BACH1: variants seen among roughly 807,000 people sequenced by gnomAD.
The protein encoded by BACH1 is transcription regulator protein BACH1.
Under a neutral mutation model 52.9 loss-of-function variants are expected in BACH1, and 35 were observed. That is an observed-to-expected ratio of 0.66 (90% CI 0.51 to 0.88). BACH1 has a LOEUF of 0.88. BACH1 is among the 40% of genes least tolerant of loss of function. The pLI, the probability that BACH1 is intolerant of heterozygous loss-of-function variation, is 0.00. For missense variants in BACH1, 808 were observed against 872.6 expected (o/e 0.93, Z 0.93); for synonymous variants, 321 against 319.6 (o/e 1.00, Z -0.05).
At position 29,345,860 on chromosome 21, in the gene BACH1, AAATT is replaced by A. The variant is rs2089163568; in HGVS notation, c.*3030_*3033del. On this transcript the variant is annotated 3_prime_UTR_variant, in exon 5 of 5. Transcript: ENST00000286800. ...CTTTGAAACTTGTTGGGTAGAATGA[AAATT>A]AAAGCCATAATGGTAGAAGATGGCA... The A allele has an allele frequency of 6.6e-6, 1 of 152,638 alleles. No homozygotes were observed. The highest frequency in any genetic ancestry group is 2.4e-5 in the African/African-American group (1 of 41,470). The allele number at this position is 152,638 out of a possible 1,614,324, so 9.5% of individuals were successfully genotyped here.
chr21:29,340,483 C>A (rs1273496867), intron 4 of BACH1, among the ~76,000 whole-genome samples: 2 of 152,122 alleles, frequency 1.3e-5, no homozygotes, highest in East Asian at 3.9e-4. Flanking sequence ...TATTAAGATA[C>A]AGAAGTCATA....
intron 1 of BACH1, among the ~76,000 whole-genome samples, chr21:29,310,258 C>T (rs753543702): frequency 4.6e-5 from 7 of 152,154 alleles, no homozygotes; most frequent in Non-Finnish European, 8.8e-5. Flanking sequence ...TTAACCAAGG[C>T]ACATTTTTTG....
chr21:29,310,549 C>T (rs2088709032), intron 1 of BACH1, among the ~76,000 whole-genome samples: 2 of 152,168 alleles, frequency 1.3e-5, no homozygotes, highest in South Asian at 2.1e-4. Context: ...GGACCAAATA[C>T]GAATATGAGA....
intron 2 of BACH1, among the ~76,000 whole-genome samples, chr21:29,357,624 G>A (rs560023838): frequency 3.3e-5 from 5 of 152,224 alleles, no homozygotes; most frequent in South Asian, 2.1e-4. Flanking sequence ...GATGGCCACC[G>A]CCACAACTAC....
intron 1 of BACH1, among the ~76,000 whole-genome samples, chr21:29,304,064 C>G (rs772290784): frequency 7.3e-5 from 11 of 151,018 alleles, no homozygotes; most frequent in Non-Finnish European, 1.3e-4. Flanking sequence ...TTTGCAGTGC[C>G]TTAGGAAAGT....
rs2088998716 is a variant in BACH1, at chr21:29,332,707, T to G, written c.1776+3014T>G. On this transcript the variant is annotated intron_variant, in intron 4 of 4. Transcript: ENST00000286800. ...CATGGGAAGGGTGGCTGTGGCACAA[T>G]GCCTGAATAATTTCACTCTCTCCAG... Among the ~76,000 whole-genome samples, 3 of 152,346 alleles carry G rather than the reference T, an allele frequency of 2.0e-5. No homozygotes were observed. The South Asian group carries it at 6.2e-4, about 32-fold the overall frequency.
chr21:29,322,254 G>C (rs2088857629), intron 2 of BACH1, among the ~76,000 whole-genome samples: 1 of 152,100 alleles, frequency 6.6e-6, no homozygotes, highest in African/African-American at 2.4e-5. Flanking sequence ...CTAGGTTTAG[G>C]GTTCTGTAAA....
At chr21:29,322,748 A>G (rs925146253) in intron 2 of BACH1, among the ~76,000 whole-genome samples, 1 of 152,184 alleles carries the variant, frequency 6.6e-6, no homozygotes, top group Non-Finnish European at 1.5e-5. Context: ...CTTCTGTGAA[A>G]CTGCAGCTAC....
At chr21:29,323,915 A>G (rs1195230842) in intron 2 of BACH1, among the ~76,000 whole-genome samples, 2 of 152,114 alleles carry the variant, frequency 1.3e-5, no homozygotes, top group South Asian at 2.1e-4. Flanking sequence ...GTTAAGTTCT[A>G]TATAATTTTA....
rs61571512 is a variant in BACH1 at position 29,306,169 on chromosome 21, A to AGTGTGTGTGT, written c.-61+7249_-61+7258dup. 2.4e-3 allele frequency among the ~76,000 whole-genome samples: 337 copies of AGTGTGTGTGT among 141,274 alleles called. 1 individual carries two copies. The highest frequency in any genetic ancestry group is 0.011 in the East Asian group (52 of 4,676). The allele number at this position is 141,274 out of a possible 152,430, so 92.7% of individuals were successfully genotyped here. ...AGTAGGGAGAAGTTGGGTCAGGAAG[A>AGTGTGTGTGT]GTGTGTGTGTGTGTGTGTGTGTGTG... is the stretch of plus-strand genomic sequence containing the variant. On this transcript the variant is annotated intron_variant, in intron 1 of 4. Coordinates refer to ENST00000286800, the MANE Select transcript of BACH1 (RefSeq NM_001186.4).
chr21:29,360,950 T>C (rs150624212), intron 2 of BACH1: 1 of 152,404 alleles, frequency 6.6e-6, no homozygotes, highest in East Asian at 1.9e-4. Context: ...TCTCTCTTTG[T>C]AATGCCTGCC....
At chr21:29,336,958 C>G (rs999411227) in intron 4 of BACH1, among the ~76,000 whole-genome samples, 2 of 152,330 alleles carry the variant, frequency 1.3e-5, no homozygotes, top group African/African-American at 4.8e-5. Context: ...AGACATGAGC[C>G]ACCATGCCTG....
intron 4 of BACH1, among the ~76,000 whole-genome samples, chr21:29,332,634 C>G (rs2088997580): frequency 6.6e-6 from 1 of 152,322 alleles, no homozygotes; most frequent in East Asian, 1.9e-4. Flanking sequence ...TCTCTGTGCA[C>G]CCGCTTCGCT....
intron 4 of BACH1, among the ~76,000 whole-genome samples, chr21:29,337,313 A>G (rs2123467986): frequency 6.6e-6 from 1 of 152,294 alleles, no homozygotes; most frequent in East Asian, 1.9e-4. Context: ...TTTTCAGTGG[A>G]CAGAGCTAGG....
chr21:29,327,317 T>G lies in BACH1; in HGVS notation c.1493T>G (p.Ile498Ser), dbSNP rs780267098. The G allele has an allele frequency of 6.2e-7, 1 of 1,614,194 alleles. No homozygotes were observed. The highest frequency in any genetic ancestry group is 2.2e-5 in the East Asian group (1 of 44,882). The change falls in exon 3 of 5, where the codon ATT (isoleucine) becomes AGT (serine). Residue 498 changes from isoleucine to serine, a missense_variant. Ile to Ser is a moderately radical substitution (Grantham distance 142). Coordinates refer to ENST00000286800, the MANE Select transcript of BACH1 (RefSeq NM_001186.4). Reference sequence around the variant, plus strand: ...GAACCTTGCCCATATGCTTGTGTCATTAGCTTGGGAGACGACTCTGAGACG... The same window carrying G: ...GAACCTTGCCCATATGCTTGTGTCAGTAGCTTGGGAGACGACTCTGAGACG... ...QQEPCPYACV[I>S]SLGDDSETDT... is the part of the protein sequence containing the mutation.
At chr21:29,336,513 A>G (rs1456936547) in intron 4 of BACH1, among the ~76,000 whole-genome samples, 1 of 152,200 alleles carries the variant, frequency 6.6e-6, no homozygotes, top group Non-Finnish European at 1.5e-5. Context: ...CCCGTTCCCC[A>G]ATACTCCTGC....
At chr21:29,322,741 C>T (rs1392445922) in intron 2 of BACH1, among the ~76,000 whole-genome samples, 1 of 152,150 alleles carries the variant, frequency 6.6e-6, no homozygotes, top group African/African-American at 2.4e-5. Context: ...ATGCCTACTT[C>T]TGTGAAACTG....
intron 3 of BACH1, 143 bp from the exon 4 acceptor site, chr21:29,329,344 T>TAAA: frequency 1.9e-6 from 1 of 530,176 alleles, no homozygotes; most frequent in Non-Finnish European, 3.0e-6. Context: ...TTTGAGATTG[T>TAAA]ATAGAAATTG....
chr21:29,299,298 C>T (rs1027613763), intron 1 of BACH1: 1 of 151,850 alleles, frequency 6.6e-6, no homozygotes, highest in Non-Finnish European at 1.5e-5. Flanking sequence ...TCCCTGCCCT[C>T]GGGCGCCAGC....
Sources: allele counts gnomAD v4.1 joint callset (sites outside exome capture counted in the v4.1 genomes callset), GRCh38; gene constraint gnomAD v4.1.1; transcripts MANE v1.5; gene names NCBI Gene and HGNC (gene_info 2026-07-23, HGNC 2026-07-21).